The following POLN variants were observed in gnomAD, a reference collection of about 807,000 sequenced individuals.
The protein encoded by POLN is DNA polymerase N.
POLN carries 108 observed loss-of-function variants against 113.5 expected under a neutral mutation model. The ratio of observed to expected loss-of-function variants is 0.95; its 90% CI spans 0.81 to 1.12. The LOEUF (loss-of-function observed/expected upper bound fraction) is 1.12. Among genes scored for constraint, POLN ranks in the 50% most tolerant of loss-of-function variants. The pLI is 0.00. For missense variants in POLN, 1,097 were observed against 1,077.1 expected, an observed-to-expected ratio of 1.02 and a Z score of -0.26; for synonymous variants, 386 against 391.5, an observed-to-expected ratio of 0.99 and a Z score of 0.17.
intron 19 of POLN, among the ~76,000 whole-genome samples, chr4:2,112,023 G>T (rs1731206896): frequency 6.6e-6 from 1 of 152,240 alleles, no homozygotes; most frequent in Admixed American, 6.5e-5. Context: ...GCATGGTACT[G>T]GTACCAAAAC....
At chr4:2,229,271 TC>T in intron 2 of POLN, 28 bp from the exon 3 acceptor site, 1 of 1,513,282 alleles carries the variant, frequency 6.6e-7, no homozygotes, top group Non-Finnish European at 9.0e-7. Flanking sequence ...ATAAGATAAA[TC>T]CCATATATTA....
chr4:2,187,158 C>G (rs1733296385), intron 7 of POLN, among the ~76,000 whole-genome samples: 1 of 152,060 alleles, frequency 6.6e-6, no homozygotes, highest in Non-Finnish European at 1.5e-5. Flanking sequence ...TAGTGGTGTT[C>G]AAGATGAAGC....
At chr4:2,169,480 G>A (rs1468251644) in intron 13 of POLN, among the ~76,000 whole-genome samples, 1 of 152,160 alleles carries the variant, frequency 6.6e-6, no homozygotes, top group Non-Finnish European at 1.5e-5. Context: ...ACGACTCACA[G>A]GACTTTTCTC....
intron 15 of POLN, among the ~76,000 whole-genome samples, chr4:2,157,134 T>C (rs1407312256): frequency 1.3e-5 from 2 of 152,156 alleles, no homozygotes; most frequent in African/African-American, 2.4e-5. Flanking sequence ...GGAAGGGCTG[T>C]TGGGCTGTGG....
At chr4:2,158,113 G>C (rs966015504) in intron 14 of POLN, among the ~76,000 whole-genome samples, 1 of 152,028 alleles carries the variant, frequency 6.6e-6, no homozygotes, top group Non-Finnish European at 1.5e-5. Flanking sequence ...CACCATGCTC[G>C]GCTAAGTTTT....
At chr4:2,144,292 G>T (rs1325113881) in intron 16 of POLN, among the ~76,000 whole-genome samples, 1 of 151,524 alleles carries the variant, frequency 6.6e-6, no homozygotes, top group South Asian at 2.1e-4. Flanking sequence ...CTACAGGCAC[G>T]TGCCACCATG....
At chr4:2,081,942 C>T (rs1007072912) in intron 21 of POLN, among the ~76,000 whole-genome samples, 199 bp from the exon 22 acceptor site, 1 of 143,582 alleles carries the variant, frequency 7.0e-6, no homozygotes, top group African/African-American at 2.7e-5. Flanking sequence ...GCTGGGCACT[C>T]TGCACTTTTT....
intron 7 of POLN, among the ~76,000 whole-genome samples, chr4:2,181,853 A>AG (rs1487908733): frequency 6.6e-6 from 1 of 152,114 alleles, no homozygotes; most frequent in African/African-American, 2.4e-5. Flanking sequence ...ACAAAAAATT[A>AG]GCTGGGTGTG....
chr4:2,213,233 T>C lies in POLN; in HGVS notation c.134-107A>G, dbSNP rs191087454. ...TAACCTCTATAATCATGCTTATTTA[T>C]TCATTATTAACTTACTTAAAACAAT... is the stretch of plus-strand genomic sequence containing the variant. On this transcript the variant is annotated intron_variant, in intron 3 of 25. Transcript: ENST00000511885. 1.1e-3 allele frequency: 635 copies of C among 591,108 alleles called. 3 individuals carry two copies. In the African/African-American group the frequency reaches 0.011, roughly 11 times the overall value. 36.6% of individuals were successfully genotyped at this position (591,108 alleles called of 1,614,324 possible).
chr4:2,189,404 C>A (rs896221576), intron 7 of POLN, among the ~76,000 whole-genome samples: 3 of 152,072 alleles, frequency 2.0e-5, no homozygotes, highest in African/African-American at 7.2e-5. Context: ...CTTTGGGAGG[C>A]TGAGGTGGGT....
In POLN at chr4:2,129,180, T is replaced by C. The variant is rs762272162; in HGVS notation, c.1866A>G (p.Ala622=). 2.5e-6 allele frequency: 4 copies of C among 1,577,214 alleles called. No individual in the cohort carries two copies. Among genetic ancestry groups the C allele is most frequent in the Non-Finnish European group, 3.5e-6 (4 of 1,146,564 alleles). ...ATAAAGCAAGCTACAGCAACGTACCTGCTGCTAGAAAGGTGTGGCCTTTGG... is the reference window on the plus strand; with the variant it reads ...ATAAAGCAAGCTACAGCAACGTACCCGCTGCTAGAAAGGTGTGGCCTTTGG... ...VSSKGHTFLA[A]DFSQIELRIL... The change falls in exon 18 of 26, where the codon GCA becomes GCG. Residue 622 remains alanine (A), a splice_region_variant and synonymous_variant. Transcript: ENST00000511885.
chr4:2,163,991 T>C (rs1244993919), intron 13 of POLN, among the ~76,000 whole-genome samples: 1 of 152,206 alleles, frequency 6.6e-6, no homozygotes, highest in Admixed American at 6.5e-5. Flanking sequence ...GTAGTGGCTG[T>C]ATCTATTTGC....
chr4:2,115,323 C>A (rs1577701465), intron 19 of POLN, among the ~76,000 whole-genome samples: 1 of 151,668 alleles, frequency 6.6e-6, no homozygotes, highest in Non-Finnish European at 1.5e-5. Flanking sequence ...CTGCCTCAGC[C>A]TCCCAAAGTG....
At chr4:2,129,056 CA>C (rs542873881) in intron 18 of POLN, 122 bp downstream of exon 18, 45,385 of 287,276 alleles carry the variant, frequency 0.16, 35 homozygotes, top group South Asian at 0.18. Context: ...ACTCTTGTCT[CA>C]AAAAAAAAAA....
Position 2,076,324 on chromosome 4 carries a change from G to A in POLN, c.2388-805C>T, listed in dbSNP as rs188308553. On this transcript the variant is annotated intron_variant, in intron 23 of 25. Coordinates refer to ENST00000511885, the MANE Select transcript of POLN (RefSeq NM_181808.4). ...GGCTGGATTCCGCCAGGGCGCTGCG[G>A]CTCCACATGCTCCTTGGAAACGGGT... is the stretch of plus-strand genomic sequence containing the variant. 2.0e-3 allele frequency: 306 copies of A among 152,600 alleles called. 1 individual carries two copies. Among genetic ancestry groups the A allele is most frequent in the Non-Finnish European group, 2.6e-3 (178 of 68,240 alleles). 9.5% of individuals were successfully genotyped at this position (152,600 alleles called of 1,614,324 possible).
chr4:2,087,761 G>A (rs540088334), intron 20 of POLN, among the ~76,000 whole-genome samples: 1 of 152,022 alleles, frequency 6.6e-6, no homozygotes, highest in South Asian at 2.1e-4. Flanking sequence ...TTAGGAATTT[G>A]GGGTTATATA....
intron 20 of POLN, among the ~76,000 whole-genome samples, chr4:2,092,025 G>A (rs1238157272): frequency 4.6e-5 from 7 of 152,150 alleles, no homozygotes; most frequent in Non-Finnish European, 5.9e-5. Flanking sequence ...AACTCAGCTC[G>A]GGTGTTGCTG....
At chr4:2,095,992 G>T in intron 19 of POLN, 59 bp from the exon 20 acceptor site, 2 of 1,439,500 alleles carry the variant, frequency 1.4e-6, no homozygotes, top group Non-Finnish European at 2.0e-6. Context: ...GTGCAGGGCA[G>T]ACAGTCCAAC....
At chr4:2,226,613 T>C (rs759644541) in intron 3 of POLN, among the ~76,000 whole-genome samples, 3 of 151,686 alleles carry the variant, frequency 2.0e-5, no homozygotes, top group Non-Finnish European at 4.4e-5. Flanking sequence ...TTCAAGAAGA[T>C]ATAACAGTCC....
Sources: allele counts gnomAD v4.1 joint callset (sites outside exome capture counted in the v4.1 genomes callset), GRCh38; gene constraint gnomAD v4.1.1; transcripts MANE v1.5; gene names NCBI Gene and HGNC (gene_info 2026-07-23, HGNC 2026-07-21).